Variants in CADM2 observed in about 807,000 individuals in gnomAD.
The protein encoded by CADM2 is immunoglobulin superfamily member 4D.
CADM2 carries 12 observed loss-of-function variants against 49.8 expected under a neutral mutation model. That is an observed-to-expected ratio of 0.24 (90% CI 0.15 to 0.39). The LOEUF (loss-of-function observed/expected upper bound fraction) is 0.39. Among genes scored for constraint, CADM2 ranks in the 10% least tolerant of loss-of-function variants. The pLI is 1.00. For missense variants in CADM2, 378 were observed against 492.3 expected, an observed-to-expected ratio of 0.77 and a Z score of 2.20; for synonymous variants, 214 against 175.4, an observed-to-expected ratio of 1.22 and a Z score of -1.74.
rs184565489 is a variant in CADM2, at chr3:85,191,884, T to C, written c.61+232216T>C. Among the ~76,000 whole-genome samples the C allele has an allele frequency of 5.3e-5, 8 of 151,990 alleles. No homozygotes were observed. The East Asian group carries it at 1.4e-3, about 26-fold the overall frequency. On this transcript the variant is annotated intron_variant, in intron 1 of 9. Coordinates refer to ENST00000383699, the MANE Select transcript of CADM2 (RefSeq NM_001167675.2). ...GTAGTTTTCAGAAGGCTTCCACATG[T>C]AGGGTCAGCAACCTCATCTTGTAGA...
intron 1 of CADM2, among the ~76,000 whole-genome samples, chr3:85,407,290 T>C (rs895439193): frequency 1.3e-5 from 2 of 152,160 alleles, no homozygotes; most frequent in African/African-American, 4.8e-5. Flanking sequence ...CAAATTAATA[T>C]GTCCCCTGAG....
At chr3:85,059,005 C>T (rs1005250348) in intron 1 of CADM2, among the ~76,000 whole-genome samples, 3 of 151,028 alleles carry the variant, frequency 2.0e-5, no homozygotes, top group Non-Finnish European at 3.0e-5. Flanking sequence ...ATGCATCTGC[C>T]GAGGTGGGCG....
intron 1 of CADM2, among the ~76,000 whole-genome samples, chr3:85,615,034 C>A (rs74911550): frequency 1.3e-5 from 2 of 152,050 alleles, no homozygotes; most frequent in East Asian, 3.9e-4. Context: ...CTCACTGTTG[C>A]TGGTAAAATG....
At chr3:85,447,582 A>C (rs2037528412) in intron 1 of CADM2, among the ~76,000 whole-genome samples, 1 of 152,160 alleles carries the variant, frequency 6.6e-6, no homozygotes, top group Non-Finnish European at 1.5e-5. Context: ...TTTGCATTCT[A>C]TCTACAGCAC....
intron 1 of CADM2, among the ~76,000 whole-genome samples, chr3:85,558,123 G>A (rs1438791676): frequency 6.6e-6 from 1 of 151,992 alleles, no homozygotes; most frequent in Non-Finnish European, 1.5e-5. Flanking sequence ...GTGTGTGTGT[G>A]TGTAAGAGAG....
chr3:85,765,426 A>G (rs981586084), intron 2 of CADM2, among the ~76,000 whole-genome samples: 1 of 152,084 alleles, frequency 6.6e-6, no homozygotes, highest in African/African-American at 2.4e-5. Context: ...TAGTTATTAC[A>G]GCCAGAATTA....
At chr3:85,882,349 T>C (rs1202592838) in intron 3 of CADM2, among the ~76,000 whole-genome samples, 2 of 152,090 alleles carry the variant, frequency 1.3e-5, no homozygotes, top group Non-Finnish European at 2.9e-5. Flanking sequence ...CCTGATATTG[T>C]TGGATGGATT....
At chr3:85,103,421 A>T (rs1418844984) in intron 1 of CADM2, among the ~76,000 whole-genome samples, 1 of 152,194 alleles carries the variant, frequency 6.6e-6, no homozygotes, top group East Asian at 1.9e-4. Flanking sequence ...TCAGTATGAT[A>T]GTTTCCTGTG....
At chr3:85,683,136 T>C (rs2066087460) in intron 1 of CADM2, among the ~76,000 whole-genome samples, 1 of 152,044 alleles carries the variant, frequency 6.6e-6, no homozygotes, top group Non-Finnish European at 1.5e-5. Context: ...ACCTAGATAA[T>C]AAGTATATGT....
intron 3 of CADM2, among the ~76,000 whole-genome samples, chr3:85,838,878 A>C (rs947728301): frequency 4.0e-5 from 6 of 151,778 alleles, no homozygotes; most frequent in Non-Finnish European, 8.8e-5. Context: ...TCCTTAAGGA[A>C]ATAATAACCT....
chr3:85,552,366 G>GTGTTTTTTTTTTTTTTTT (rs2061828186), intron 1 of CADM2, among the ~76,000 whole-genome samples: 5 of 87,576 alleles, frequency 5.7e-5, no homozygotes, highest in African/African-American at 1.9e-4. Context: ...ACTTTGAAAA[G>GTGTTTTTTTTTTTTTTTT]TTTTTTTTTT....
intron 1 of CADM2, among the ~76,000 whole-genome samples, chr3:85,191,859 G>A (rs950177997): frequency 6.6e-6 from 1 of 151,972 alleles, no homozygotes; most frequent in African/African-American, 2.4e-5. Context: ...TTCAAAGCCT[G>A]TAGTTTTCAG....
intron 1 of CADM2, among the ~76,000 whole-genome samples, chr3:84,964,410 G>A (rs372850174): frequency 3.3e-5 from 5 of 151,920 alleles, no homozygotes; most frequent in East Asian, 1.9e-4. Flanking sequence ...AGGATTTGGG[G>A]GTACATTAAT....
At chr3:85,905,402 G>T (rs1181998872) in intron 5 of CADM2, among the ~76,000 whole-genome samples, 1 of 152,160 alleles carries the variant, frequency 6.6e-6, no homozygotes, top group Non-Finnish European at 1.5e-5. Context: ...ATTAAAGACT[G>T]ACAACTGTCC....
intron 1 of CADM2, among the ~76,000 whole-genome samples, chr3:85,119,259 C>T (rs187661611): frequency 1.8e-3 from 277 of 152,122 alleles, no homozygotes; most frequent in Middle Eastern, 6.8e-3. Context: ...AAAAAAAATC[C>T]GGGCATTGTG....
In CADM2 at chr3:85,290,670, A is replaced by G. The variant is rs547591140; in HGVS notation, c.61+331002A>G. 2.0e-5 allele frequency among the ~76,000 whole-genome samples: 3 copies of G among 152,314 alleles called. No homozygotes were observed. In the South Asian group the frequency reaches 6.2e-4, roughly 32 times the overall value. ...TGCCTAACTGGGAGGCACCCCCAGC[A>G]GGGGCAGACTGACACCTCACATGGG... On this transcript the variant is annotated intron_variant, in intron 1 of 9. Transcript: ENST00000383699.
chr3:85,746,757 G>C (rs966205955), intron 2 of CADM2, among the ~76,000 whole-genome samples: 25 of 152,038 alleles, frequency 1.6e-4, no homozygotes, highest in African/African-American at 6.0e-4. Flanking sequence ...CGTGACTCAG[G>C]GGGTAACTCT....
chr3:85,727,252 T>C (rs1318143673), intron 2 of CADM2, among the ~76,000 whole-genome samples: 1 of 152,120 alleles, frequency 6.6e-6, no homozygotes, highest in Non-Finnish European at 1.5e-5. Context: ...CTTTTGCTTC[T>C]TAAATAGCAA....
chr3:85,748,214 C>G (rs555496050), intron 2 of CADM2, among the ~76,000 whole-genome samples: 1 of 151,962 alleles, frequency 6.6e-6, no homozygotes, highest in African/African-American at 2.4e-5. Context: ...GACATCAAAG[C>G]CTTTCTCTCA....
Sources: gnomAD v4.1 joint callset for allele counts (sites outside exome capture counted in the v4.1 genomes callset) on GRCh38, gnomAD v4.1.1 for gene constraint, MANE v1.5 for transcripts, NCBI Gene and HGNC (gene_info 2026-07-23, HGNC 2026-07-21) for gene names.